Variants in ABCC9 observed in about 807,000 individuals in gnomAD.
ABCC9 encodes the protein ATP-binding cassette sub-family C member 9.
In ABCC9, 95 loss-of-function variants were observed where a neutral mutation model predicts 188.3. That is an observed-to-expected ratio of 0.50 (90% CI 0.43 to 0.60). The LOEUF (loss-of-function observed/expected upper bound fraction) is 0.60, where lower values mean the gene tolerates loss of function less well. ABCC9 is among the 20% of genes least tolerant of loss of function. The pLI, the probability that ABCC9 is intolerant of heterozygous loss-of-function variation, is 0.00. For missense variants in ABCC9, 1,102 were observed against 1,876.3 expected (o/e 0.59, Z 7.62); for synonymous variants, 659 against 652.7 (o/e 1.01, Z -0.15).
intron 15 of ABCC9, among the ~76,000 whole-genome samples, chr12:21,887,243 A>T (rs748125565): frequency 2.6e-5 from 4 of 152,192 alleles, no homozygotes; most frequent in Non-Finnish European, 4.4e-5. Context: ...ATACTAAGTA[A>T]ATATTTGTAT....
intron 25 of ABCC9, 102 bp downstream of exon 25, chr12:21,848,048 G>T: frequency 2.0e-6 from 2 of 986,590 alleles, no homozygotes; most frequent in Non-Finnish European, 3.2e-6. Context: ...TTTTTCCCCT[G>T]GCAAAGTGGC....
chr12:21,916,630 A>G (rs759155836), intron 6 of ABCC9, among the ~76,000 whole-genome samples: 3 of 152,210 alleles, frequency 2.0e-5, no homozygotes, highest in African/African-American at 2.4e-5. Context: ...TTTGAGACCA[A>G]TCATGGATGA....
Position 21,800,499 on chromosome 12 carries a change from A to G in ABCC9, c.*545T>C, listed in dbSNP as rs935795226. On this transcript the variant is annotated 3_prime_UTR_variant, in exon 40 of 40. Coordinates refer to ENST00000261200, the MANE Select transcript of ABCC9 (RefSeq NM_020297.4). ...TAAGTGTGATAACTTCTTGGTGACA[A>G]GAAACAAAAGGGAAAAAAGAAGGCT... is the stretch of plus-strand genomic sequence containing the variant. 6 of 155,398 alleles carry G rather than the reference A, an allele frequency of 3.9e-5. No homozygotes were observed. The highest frequency in any genetic ancestry group is 1.4e-4 in the African/African-American group (6 of 41,470). The allele number at this position is 155,398 out of a possible 1,614,324, so 9.6% of individuals were successfully genotyped here. A position where few individuals can be genotyped will look rare whatever the true frequency, so the allele number is the denominator to read the frequency against.
intron 30 of ABCC9, among the ~76,000 whole-genome samples, chr12:21,830,318 A>G (rs1466699820): frequency 6.6e-6 from 1 of 152,210 alleles, no homozygotes; most frequent in Non-Finnish European, 1.5e-5. Context: ...AAGGCTGGAT[A>G]ATATAATAAA....
intron 3 of ABCC9, among the ~76,000 whole-genome samples, 179 bp downstream of exon 3, chr12:21,936,354 C>G (rs560357384): frequency 6.6e-6 from 1 of 152,134 alleles, no homozygotes; most frequent in South Asian, 2.1e-4. Flanking sequence ...CTCAATTTCA[C>G]CTACGGAAGA....
chr12:21,848,373 G>A (rs1283012631), intron 24 of ABCC9, 127 bp from the exon 25 acceptor site: 3 of 784,466 alleles, frequency 3.8e-6, no homozygotes, highest in Middle Eastern at 6.7e-4. Flanking sequence ...GCTCACTCTG[G>A]AGATCCACAA....
At chr12:21,914,959 G>C (rs376097570) in intron 7 of ABCC9, among the ~76,000 whole-genome samples, 52 of 150,272 alleles carry the variant, frequency 3.5e-4, no homozygotes, top group African/African-American at 1.3e-3. Flanking sequence ...GGAGTGCAAT[G>C]GTGCAATCTC....
At chr12:21,827,298 C>A (rs755898360) in intron 31 of ABCC9, 19 of 985,186 alleles carry the variant, frequency 1.9e-5, no homozygotes, top group Non-Finnish European at 2.3e-5. Context: ...ATCCATTAAT[C>A]TGACAGCAGG....
chr12:21,816,438 C>T (rs1306696594), intron 33 of ABCC9, among the ~76,000 whole-genome samples: 1 of 151,992 alleles, frequency 6.6e-6, no homozygotes, highest in Non-Finnish European at 1.5e-5. Flanking sequence ...GCTCTGGGAG[C>T]ATGGATGGTG....
chr12:21,810,252 T>C (rs1006917897), intron 36 of ABCC9, among the ~76,000 whole-genome samples: 2 of 152,192 alleles, frequency 1.3e-5, no homozygotes, highest in South Asian at 4.1e-4. Context: ...CTATGCTTAG[T>C]ATAACCCAAA....
At chr12:21,921,695 A>G (rs537293312) in intron 5 of ABCC9, among the ~76,000 whole-genome samples, 2 of 152,112 alleles carry the variant, frequency 1.3e-5, no homozygotes, top group African/African-American at 4.8e-5. Flanking sequence ...TAGTAGTTTC[A>G]CAGTTTAAGA....
chr12:21,861,230 C>CATTTTTTTTTTTTTTT lies in ABCC9; in HGVS notation c.2340-176_2340-175insAAAAAAAAAAAAAAAT, dbSNP rs1350257236. Among the ~76,000 whole-genome samples, 3 of 146,670 alleles carry CATTTTTTTTTTTTTTT rather than the reference C, an allele frequency of 2.0e-5. 1 individual carries two copies. Among genetic ancestry groups the CATTTTTTTTTTTTTTT allele is most frequent in the African/African-American group, 5.1e-5 (2 of 39,470 alleles). On this transcript the variant is annotated intron_variant, in intron 20 of 39. Transcript: ENST00000261200. ...AGATACATAAGTACTACTTCCCCCCCCTTTTTTTTTTTTTTTTGAAGACAG... is the reference window on the plus strand; with the variant it reads ...AGATACATAAGTACTACTTCCCCCCCATTTTTTTTTTTTTTTCTTTTTTTTTTTTTTTTGAAGACAG...
In ABCC9 at chr12:21,814,742, T is replaced by C; in HGVS notation, c.4024-20A>G. 1 of 1,609,432 alleles carries C rather than the reference T, an allele frequency of 6.2e-7. No individual in the cohort carries two copies. The highest frequency in any genetic ancestry group is 8.5e-7 in the Non-Finnish European group (1 of 1,175,860). Reference sequence around the variant, plus strand: ...GCCCACCTAGGAAAACAGCTGTCACTCAAAGAGAAGAGGACTCAGAAAAGG... The same window carrying C: ...GCCCACCTAGGAAAACAGCTGTCACCCAAAGAGAAGAGGACTCAGAAAAGG... On this transcript the variant is annotated intron_variant, in intron 34 of 39. Coordinates refer to ENST00000261200, the MANE Select transcript of ABCC9 (RefSeq NM_020297.4).
intron 31 of ABCC9, chr12:21,827,353 A>C: frequency 2.0e-6 from 2 of 978,708 alleles, no homozygotes; most frequent in Non-Finnish European, 2.4e-6. Flanking sequence ...CTCTCACCTC[A>C]AGTCCAAGGC....
At chr12:21,902,816 A>C (rs1391882890) in intron 12 of ABCC9, among the ~76,000 whole-genome samples, 1 of 152,160 alleles carries the variant, frequency 6.6e-6, no homozygotes, top group Non-Finnish European at 1.5e-5. Context: ...ACCAACCAAA[A>C]ACAGTCCAGG....
chr12:21,903,247 A>T (rs1267586044), intron 12 of ABCC9, among the ~76,000 whole-genome samples: 1 of 152,182 alleles, frequency 6.6e-6, no homozygotes, highest in Non-Finnish European at 1.5e-5. Context: ...ATGCTAAAAA[A>T]TCTCAATAAA....
At chr12:21,871,731 T>C (rs1946089866) in intron 18 of ABCC9, among the ~76,000 whole-genome samples, 2 of 152,144 alleles carry the variant, frequency 1.3e-5, no homozygotes, top group Admixed American at 1.3e-4. Flanking sequence ...TGTAGGATGT[T>C]AGCAGCATCC....
intron 14 of ABCC9, among the ~76,000 whole-genome samples, chr12:21,891,324 A>G (rs532066402): frequency 7.2e-5 from 11 of 152,232 alleles, no homozygotes; most frequent in Non-Finnish European, 1.6e-4. Flanking sequence ...TGAGGCAAGC[A>G]TTCTAAAAAA....
At chr12:21,818,696 G>C (rs1942841467) in intron 31 of ABCC9, among the ~76,000 whole-genome samples, 1 of 144,928 alleles carries the variant, frequency 6.9e-6, no homozygotes, top group Non-Finnish European at 1.5e-5. Flanking sequence ...TGCCAGACAA[G>C]CAGTTATTTT....
Sources: gnomAD v4.1 joint callset for allele counts (sites outside exome capture counted in the v4.1 genomes callset) on GRCh38, gnomAD v4.1.1 for gene constraint, MANE v1.5 for transcripts, NCBI Gene and HGNC (gene_info 2026-07-23, HGNC 2026-07-21) for gene names.